The following FANCA variants were observed in gnomAD, a reference collection of about 807,000 sequenced individuals.
The protein encoded by FANCA is Fanconi anemia group A protein.
FANCA carries 236 observed loss-of-function variants against 194.3 expected under a neutral mutation model. The observed-to-expected ratio is 1.21, with a 90% CI of 1.09 to 1.35. The LOEUF (loss-of-function observed/expected upper bound fraction) is 1.35. FANCA is among the 40% of genes most tolerant of loss of function. The pLI is 0.00. For missense variants in FANCA, 2,628 were observed against 1,813.9 expected, an observed-to-expected ratio of 1.45 and a Z score of -8.15; for synonymous variants, 1,014 against 715.8, an observed-to-expected ratio of 1.42 and a Z score of -6.65.
At chr16:89,781,375 A>C (rs2039697588) in intron 17 of FANCA, among the ~76,000 whole-genome samples, 1 of 149,970 alleles carries the variant, frequency 6.7e-6, no homozygotes, top group Non-Finnish European at 1.5e-5. Context: ...AAAAAAAAAA[A>C]AAAAAAAAAA....
chr16:89,813,925 G>T (rs191122262), intron 3 of FANCA, among the ~76,000 whole-genome samples: 20 of 152,238 alleles, frequency 1.3e-4, no homozygotes, highest in African/African-American at 4.8e-4. Flanking sequence ...CTGTGTGGCT[G>T]AGCTTGGTTC....
chr16:89,796,415 C>T (rs1238249753), intron 10 of FANCA, among the ~76,000 whole-genome samples: 2 of 152,124 alleles, frequency 1.3e-5, no homozygotes, highest in Non-Finnish European at 2.9e-5. Context: ...CCCAGAGGGT[C>T]GTGCCAAGCC....
intron 31 of FANCA, among the ~76,000 whole-genome samples, chr16:89,750,891 TTTG>T (rs140776520): frequency 1.1e-3 from 172 of 152,066 alleles, no homozygotes; most frequent in Admixed American, 2.7e-3. Context: ...TCACAAGTCT[TTTG>T]TTGTTGTTGT....
Position 89,784,878 on chromosome 16 carries a change from A to G in FANCA, c.1446T>C (p.Pro482=). The G allele has an allele frequency of 1.9e-6, 3 of 1,614,108 alleles. No homozygotes were observed. The highest frequency in any genetic ancestry group is 2.5e-6 in the Non-Finnish European group (3 of 1,179,928). ...CCTGCAGGTACCGGGGAGACTCAAA[A>G]GGCACGAGTTCTGACAAGAACGTAA... ...FLFTFLSELV[P]FESPRYLQVH... The change falls in exon 15 of 43, where the codon CCT becomes CCC. Residue 482 remains proline (P), a synonymous_variant. Transcript: ENST00000389301.
intron 29 of FANCA, among the ~76,000 whole-genome samples, chr16:89,759,470 A>C (rs1224379055): frequency 1.3e-5 from 2 of 151,730 alleles, no homozygotes; most frequent in African/African-American, 4.8e-5. Flanking sequence ...GGGCTCAAGG[A>C]GACACTGACT....
chr16:89,815,552 C>T (rs2041077581), intron 2 of FANCA, among the ~76,000 whole-genome samples: 1 of 151,990 alleles, frequency 6.6e-6, no homozygotes, highest in South Asian at 2.1e-4. Flanking sequence ...GACCGGGTTT[C>T]ACTATGTTGG....
chr16:89,798,544 C>T, intron 10 of FANCA: 1 of 1,121,112 alleles, frequency 8.9e-7, no homozygotes, highest in Non-Finnish European at 1.1e-6. Context: ...ACTTCAAGGT[C>T]CCCTGCCCAC....
At chr16:89,791,658 T>C (rs1176087285) in intron 13 of FANCA, 122 bp from the exon 14 acceptor site, 1 of 1,378,106 alleles carries the variant, frequency 7.3e-7, no homozygotes, top group African/African-American at 1.4e-5. Context: ...CACCAAGTTT[T>C]AAAAGACTAC....
At chr16:89,781,000 C>T (rs1038019436) in intron 17 of FANCA, among the ~76,000 whole-genome samples, 1 of 151,826 alleles carries the variant, frequency 6.6e-6, no homozygotes, top group African/African-American at 2.4e-5. Flanking sequence ...ATATTTTCAC[C>T]TAACACTTTA....
chr16:89,757,207 C>T (rs1417182478), intron 30 of FANCA, among the ~76,000 whole-genome samples: 1 of 152,172 alleles, frequency 6.6e-6, no homozygotes, highest in East Asian at 1.9e-4. Context: ...GATGATCCGC[C>T]TGCCTTGGCC....
At chr16:89,802,646 G>A (rs868631593) in intron 8 of FANCA, among the ~76,000 whole-genome samples, 6 of 151,068 alleles carry the variant, frequency 4.0e-5, no homozygotes, top group Middle Eastern at 6.8e-3. Flanking sequence ...CTTGTGATCC[G>A]CCCGCCTCGT....
chr16:89,751,442 A>C (rs755363955), intron 31 of FANCA, among the ~76,000 whole-genome samples: 4 of 152,204 alleles, frequency 2.6e-5, no homozygotes, highest in African/African-American at 4.8e-5. Context: ...ACTGTACTCT[A>C]GCCTGGGTGA....
At chr16:89,739,779 C>CCGA (rs1481270156) in intron 39 of FANCA, 1 of 1,470,300 alleles carries the variant, frequency 6.8e-7, no homozygotes, top group African/African-American at 1.4e-5. Context: ...GAGAGGCAGT[C>CCGA]CCCATGATAG....
chr16:89,790,455 G>C (rs1024479230), intron 14 of FANCA, among the ~76,000 whole-genome samples: 14 of 151,738 alleles, frequency 9.2e-5, no homozygotes, highest in African/African-American at 3.1e-4. Flanking sequence ...GAAAGGCCAG[G>C]TGCGCTGGCT....
At chr16:89,760,148 T>C (rs956824151) in intron 29 of FANCA, among the ~76,000 whole-genome samples, 6 of 152,254 alleles carry the variant, frequency 3.9e-5, no homozygotes, top group Admixed American at 1.3e-4. Context: ...GGTGACCTGA[T>C]GCAGCATGAC....
intron 14 of FANCA, 64 bp from the exon 15 acceptor site, chr16:89,785,028 T>A: frequency 8.6e-7 from 1 of 1,161,554 alleles, no homozygotes; most frequent in South Asian, 1.2e-5. Flanking sequence ...CTAGGCAGTG[T>A]CCTGTGTGGA....
At chr16:89,815,736 G>T in intron 2 of FANCA, 141 bp downstream of exon 2, 2 of 739,708 alleles carry the variant, frequency 2.7e-6, no homozygotes, top group East Asian at 2.6e-5. Context: ...CAGAACTCCC[G>T]GGCTCAGGCG....
chr16:89,765,287 G>A (rs1472203164), intron 27 of FANCA, among the ~76,000 whole-genome samples: 3 of 148,944 alleles, frequency 2.0e-5, no homozygotes, highest in Non-Finnish European at 3.0e-5. Context: ...CCACGTTTAG[G>A]GGACCTCAGT....
At chr16:89,744,467 G>A (rs1019765891) in intron 36 of FANCA, among the ~76,000 whole-genome samples, 15 of 152,040 alleles carry the variant, frequency 9.9e-5, no homozygotes, top group African/African-American at 3.1e-4. Context: ...GACTGGGGTC[G>A]ACAGGTCAGG....
Sources: allele counts gnomAD v4.1 joint callset (sites outside exome capture counted in the v4.1 genomes callset), GRCh38; gene constraint gnomAD v4.1.1; transcripts MANE v1.5; gene names NCBI Gene and HGNC (gene_info 2026-07-23, HGNC 2026-07-21).